The following CDK5RAP2 variants were observed in gnomAD, a reference collection of about 807,000 sequenced individuals.
CDK5RAP2 encodes the protein CDK5 regulatory subunit associated protein 2.
Under a neutral mutation model 232.9 loss-of-function variants are expected in CDK5RAP2, and 147 were observed. That is an observed-to-expected ratio of 0.63 (90% CI 0.55 to 0.72). The LOEUF is 0.72. Among genes scored for constraint, CDK5RAP2 ranks in the 30% least tolerant of loss-of-function variants. The pLI, the probability that CDK5RAP2 is intolerant of heterozygous loss-of-function variation, is 0.00. For synonymous variants in CDK5RAP2, 833 were observed against 833.7 expected (o/e 1.00, Z 0.01); for missense variants, 2,195 against 2,231.5 (o/e 0.98, Z 0.33).
intron 25 of CDK5RAP2, among the ~76,000 whole-genome samples, chr9:120,425,511 A>T (rs924135115): frequency 1.3e-5 from 2 of 152,238 alleles, no homozygotes; most frequent in Admixed American, 6.5e-5. Context: ...CTTTTCAAAT[A>T]AAAAACATCT....
At chr9:120,454,827 AG>A (rs537329558) in intron 20 of CDK5RAP2, among the ~76,000 whole-genome samples, 153 of 152,306 alleles carry the variant, frequency 1.0e-3, no homozygotes, top group Non-Finnish European at 1.9e-3. Context: ...AGTCCCTCAG[AG>A]GGTCCCCAGC....
chr9:120,461,536 T>C (rs889100633), intron 18 of CDK5RAP2, among the ~76,000 whole-genome samples: 1 of 152,152 alleles, frequency 6.6e-6, no homozygotes, highest in Non-Finnish European at 1.5e-5. Context: ...ATACCAAACC[T>C]TATCTGACCA....
intron 25 of CDK5RAP2, among the ~76,000 whole-genome samples, chr9:120,427,442 C>A (rs1043653449): frequency 6.6e-6 from 1 of 152,182 alleles, no homozygotes; most frequent in African/African-American, 2.4e-5. Flanking sequence ...TAGAGGAAAT[C>A]TGGCCCTTCA....
At chr9:120,530,215 T>C in intron 7 of CDK5RAP2, 75 bp from the exon 8 acceptor site, 4 of 1,082,660 alleles carry the variant, frequency 3.7e-6, no homozygotes, top group Non-Finnish European at 5.6e-6. Context: ...AGGAAGGAAA[T>C]GGGGCCAGAT....
chr9:120,572,142 G>A, intron 1 of CDK5RAP2, 101 bp from the exon 2 acceptor site: 2 of 931,204 alleles, frequency 2.1e-6, no homozygotes, highest in Admixed American at 1.8e-5. Flanking sequence ...ATGGCCAGGA[G>A]GGATGCACAC....
At chr9:120,499,694 G>GT (rs2039486026) in intron 12 of CDK5RAP2, among the ~76,000 whole-genome samples, 1 of 152,078 alleles carries the variant, frequency 6.6e-6, no homozygotes, top group Non-Finnish European at 1.5e-5. Context: ...GAAAGAAAGG[G>GT]TTTTTTATAT....
chr9:120,476,678 C>CA (rs553428055), intron 15 of CDK5RAP2, among the ~76,000 whole-genome samples: 1,119 of 85,610 alleles, frequency 0.013, 10 homozygotes, highest in East Asian at 0.065. Context: ...GACTCCATCT[C>CA]AAAAAAAAAA....
chr9:120,503,314 CAAAG>C (rs1422494060), intron 12 of CDK5RAP2, among the ~76,000 whole-genome samples: 2 of 152,108 alleles, frequency 1.3e-5, no homozygotes, highest in Non-Finnish European at 2.9e-5. Flanking sequence ...GAAGAGCAGT[CAAAG>C]AAAGTTTAAA....
intron 12 of CDK5RAP2, 137 bp downstream of exon 12, chr9:120,518,290 G>A (rs567237263): frequency 6.0e-6 from 4 of 661,356 alleles, no homozygotes; most frequent in East Asian, 6.2e-5. Flanking sequence ...AAATGAAGCT[G>A]GTCATTTCTA....
In CDK5RAP2 at chr9:120,389,035, T is replaced by C. The variant is rs2031661640; in HGVS notation, c.*201A>G. 4.9e-6 allele frequency: 3 copies of C among 607,164 alleles called. No individual in the cohort carries two copies. In the African/African-American group the frequency reaches 5.6e-5, roughly 11 times the overall value. The allele number at this position is 607,164 out of a possible 1,614,324, so 37.6% of individuals were successfully genotyped here. On this transcript the variant is annotated 3_prime_UTR_variant, in exon 38 of 38. Transcript: ENST00000349780. ...AACATCCAAGAGCTCGAGGCCTTTT[T>C]ACCACCCGTTTGTGGAGCACCTGCA...
At position 120,550,877 on chromosome 9, in the gene CDK5RAP2, TTTTC is replaced by T; in HGVS notation, c.217_220del (p.Glu73ThrfsTer4). 6.2e-7 allele frequency: 1 copy of T among 1,612,220 alleles called. No individual in the cohort carries two copies. Among genetic ancestry groups the T allele is most frequent in the Non-Finnish European group, 8.5e-7 (1 of 1,178,322 alleles). The stretch of plus-strand genomic sequence containing the variant: ...ATAGATGCGGAGCTTTAGGTTAAAG[TTTTC>T]TTTCTTCAATTCAGTGATTTGCTGA... On this transcript the variant is annotated frameshift_variant, in exon 4 of 38. Transcript: ENST00000349780. LOFTEE classifies it high-confidence loss of function.
In CDK5RAP2 at chr9:120,501,481, C is replaced by G. The variant is rs144666006; in HGVS notation, c.1312-10004G>C. 7.1e-3 allele frequency among the ~76,000 whole-genome samples: 1,074 copies of G among 152,298 alleles called. 11 individuals carry two copies. Among genetic ancestry groups the G allele is most frequent in the Non-Finnish European group, 9.0e-3 (610 of 68,030 alleles). ...GGAATTTTGTGTATTTTGTTTGCTG[C>G]TATATCTCCAGCACCTAGAATGGTA... is the stretch of plus-strand genomic sequence containing the variant. On this transcript the variant is annotated intron_variant, in intron 12 of 37. Coordinates refer to ENST00000349780, the MANE Select transcript of CDK5RAP2 (RefSeq NM_018249.6).
At chr9:120,490,860 T>A (rs1231338609) in intron 13 of CDK5RAP2, among the ~76,000 whole-genome samples, 1 of 152,192 alleles carries the variant, frequency 6.6e-6, no homozygotes, top group Non-Finnish European at 1.5e-5. Flanking sequence ...GTTTACTCCA[T>A]CATGGTTATC....
chr9:120,389,016 C>T lies in CDK5RAP2; in HGVS notation c.*220G>A, dbSNP rs2131172928. 7 of 598,930 alleles carry T rather than the reference C, an allele frequency of 1.2e-5. No individual in the cohort carries two copies. In the South Asian group the frequency reaches 1.4e-4, roughly 12 times the overall value. The allele number at this position is 598,930 out of a possible 1,614,324, so 37.1% of individuals were successfully genotyped here. On this transcript the variant is annotated 3_prime_UTR_variant, in exon 38 of 38. Coordinates refer to ENST00000349780, the MANE Select transcript of CDK5RAP2 (RefSeq NM_018249.6). ...TGCCCCTGATCTGAAATACAACATC[C>T]AAGAGCTCGAGGCCTTTTTACCACC... is the stretch of plus-strand genomic sequence containing the variant.
chr9:120,528,038 A>T (rs2040984190), intron 9 of CDK5RAP2, 113 bp from the exon 10 acceptor site: 13 of 1,389,492 alleles, frequency 9.4e-6, no homozygotes, highest in Non-Finnish European at 1.3e-5. Flanking sequence ...ATTCCTGTCA[A>T]CCTGTGATTA....
intron 28 of CDK5RAP2, among the ~76,000 whole-genome samples, chr9:120,413,823 A>AAGAG (rs1554731799): frequency 1.8e-5 from 2 of 108,718 alleles, no homozygotes; most frequent in African/African-American, 7.3e-5. Context: ...GGGAGGAGGG[A>AAGAG]GGAGGGAGGA....
chr9:120,571,562 T>C (rs2042856457), intron 2 of CDK5RAP2, among the ~76,000 whole-genome samples: 2 of 152,350 alleles, frequency 1.3e-5, no homozygotes, highest in Middle Eastern at 3.4e-3. Flanking sequence ...CGTGTAGGAA[T>C]GCGGGGCCTC....
At chr9:120,538,129 C>T (rs1332386092) in intron 6 of CDK5RAP2, among the ~76,000 whole-genome samples, 1 of 152,116 alleles carries the variant, frequency 6.6e-6, no homozygotes, top group Admixed American at 6.5e-5. Flanking sequence ...TGTTTCTAAC[C>T]CCTCCAAGCC....
In CDK5RAP2 at chr9:120,572,055, CAT is replaced by C; in HGVS notation, c.60-16_60-15del. ...GGAACAAGGCCACTAGGAGAGAACA[CAT>C]GAGATAAGAGATGAGCTAATGTTTG... On this transcript the variant is annotated splice_polypyrimidine_tract_variant and intron_variant, in intron 1 of 37. Transcript: ENST00000349780. The C allele has an allele frequency of 6.3e-7, 1 of 1,598,866 alleles. No homozygotes were observed. Among genetic ancestry groups the C allele is most frequent in the Admixed American group, 1.7e-5 (1 of 60,004 alleles).
Sources: allele counts gnomAD v4.1 joint callset (sites outside exome capture counted in the v4.1 genomes callset), GRCh38; gene constraint gnomAD v4.1.1; transcripts MANE v1.5; gene names NCBI Gene and HGNC (gene_info 2026-07-23, HGNC 2026-07-21).